The following LDLRAD3 variants were observed in gnomAD, a reference collection of about 807,000 sequenced individuals.
The protein encoded by LDLRAD3 is low-density lipoprotein receptor class A domain-containing protein 3.
In LDLRAD3, 20 loss-of-function variants were observed where a neutral mutation model predicts 29.4. The observed-to-expected ratio is 0.68, with a 90% CI of 0.48 to 0.99. The LOEUF (loss-of-function observed/expected upper bound fraction) is 0.99. Among genes scored for constraint, LDLRAD3 ranks in the 50% least tolerant of loss-of-function variants. The pLI, the probability that LDLRAD3 is intolerant of heterozygous loss-of-function variation, is 0.00. For missense variants in LDLRAD3, 420 were observed against 454.3 expected (o/e 0.92, Z 0.69); for synonymous variants, 157 against 192.7 (o/e 0.81, Z 1.53).
chr11:36,155,708 T>C (rs1480898367), intron 4 of LDLRAD3, among the ~76,000 whole-genome samples: 1 of 152,206 alleles, frequency 6.6e-6, no homozygotes, highest in African/African-American at 2.4e-5. Context: ...TATCCATCAC[T>C]TTAGGATACA....
intron 2 of LDLRAD3, among the ~76,000 whole-genome samples, chr11:36,073,543 GTCA>G: frequency 6.6e-6 from 1 of 152,274 alleles, no homozygotes; most frequent in Non-Finnish European, 1.5e-5. Flanking sequence ...CCTGTAGCAA[GTCA>G]TGCAGGCAGG....
intron 3 of LDLRAD3, among the ~76,000 whole-genome samples, chr11:36,087,060 C>A (rs1590256081): frequency 6.6e-6 from 1 of 152,156 alleles, no homozygotes; most frequent in Middle Eastern, 3.4e-3. Context: ...ATGTTAATGA[C>A]CCCACAGGGA....
rs1855553188 is a variant in LDLRAD3 at position 36,229,872 on chromosome 11, T to G, written c.*475T>G. 1 of 155,538 alleles carries G rather than the reference T, an allele frequency of 6.4e-6. No homozygotes were observed. The highest frequency in any genetic ancestry group is 2.4e-5 in the African/African-American group (1 of 41,504). 9.6% of individuals were successfully genotyped at this position (155,538 alleles called of 1,614,324 possible). On this transcript the variant is annotated 3_prime_UTR_variant, in exon 6 of 6. Coordinates refer to ENST00000315571, the MANE Select transcript of LDLRAD3 (RefSeq NM_174902.4). ...TGGATGGTCACCCCCCCAAAAAAATTCCATTTGAGCATCAAAACCTGCTTT... is the reference window on the plus strand; with the variant it reads ...TGGATGGTCACCCCCCCAAAAAAATGCCATTTGAGCATCAAAACCTGCTTT...
intron 3 of LDLRAD3, 131 bp from the exon 4 acceptor site, chr11:36,098,196 T>C (rs1853391450): frequency 8.9e-7 from 1 of 1,120,808 alleles, no homozygotes; most frequent in East Asian, 2.4e-5. Context: ...AGCATGGGCT[T>C]TGAGTCTGCC....
chr11:36,025,303 G>A (rs757891372), intron 1 of LDLRAD3, among the ~76,000 whole-genome samples: 1 of 151,652 alleles, frequency 6.6e-6, no homozygotes, highest in East Asian at 1.9e-4. Context: ...AAAGGGTAGC[G>A]AAAAGTTACC....
At chr11:36,072,851 C>A (rs918651136) in intron 2 of LDLRAD3, among the ~76,000 whole-genome samples, 4 of 152,204 alleles carry the variant, frequency 2.6e-5, no homozygotes, top group Admixed American at 1.3e-4. Context: ...CCTCCTGGCC[C>A]CCTCTAGTTC....
rs959703642 is a variant in LDLRAD3 at position 36,155,618 on chromosome 11, C to T, written c.454+57157C>T. On this transcript the variant is annotated intron_variant, in intron 4 of 5. Coordinates refer to ENST00000315571, the MANE Select transcript of LDLRAD3 (RefSeq NM_174902.4). ...CCTCTGTAAAATAAGGATAATAATA[C>T]GTACTTCACAGACTAGTGGTAAGGA... Among the ~76,000 whole-genome samples, 10 of 152,290 alleles carry T rather than the reference C, an allele frequency of 6.6e-5. 1 individual carries two copies. Among genetic ancestry groups the T allele is most frequent in the Non-Finnish European group, 1.3e-4 (9 of 68,030 alleles).
intron 4 of LDLRAD3, among the ~76,000 whole-genome samples, chr11:36,207,603 T>C (rs1326359656): frequency 2.0e-5 from 3 of 151,990 alleles, no homozygotes; most frequent in African/African-American, 7.3e-5. Flanking sequence ...TAAGCCATGA[T>C]TGTGCCACTG....
In LDLRAD3 at chr11:36,162,009, A is replaced by G. The variant is rs919282304; in HGVS notation, c.454+63548A>G. Among the ~76,000 whole-genome samples, 10 of 152,350 alleles carry G rather than the reference A, an allele frequency of 6.6e-5. No individual in the cohort carries two copies. In the South Asian group the frequency reaches 1.7e-3, roughly 25 times the overall value. ...ACCCCTAGAGAGATCTCTGCAAATC[A>G]GTAATGAAAGAACTGAAGTAAAACT... On this transcript the variant is annotated intron_variant, in intron 4 of 5. Transcript: ENST00000315571.
chr11:36,098,390 A>G lies in LDLRAD3; in HGVS notation c.383A>G (p.Lys128Arg), dbSNP rs756142163. ...YHCKNGLCID[K>R]SFICDGQNNC... ...TGCAAGAACGGCCTCTGTATTGACA[A>G]GAGCTTCATCTGCGATGGACAGAAT... Residue 128 changes from lysine (K) to arginine (R), a missense_variant, in exon 4 of 6, where the codon AAG becomes AGG. Lys to Arg is a conservative substitution (Grantham distance 26). Coordinates refer to ENST00000315571, the MANE Select transcript of LDLRAD3 (RefSeq NM_174902.4). 1 of 1,614,252 alleles carries G rather than the reference A, an allele frequency of 6.2e-7. No individual in the cohort carries two copies. Among genetic ancestry groups the G allele is most frequent in the Non-Finnish European group, 8.5e-7 (1 of 1,180,046 alleles).
At chr11:36,051,342 G>C (rs1222644418) in intron 2 of LDLRAD3, among the ~76,000 whole-genome samples, 2 of 152,154 alleles carry the variant, frequency 1.3e-5, no homozygotes, top group Non-Finnish European at 2.9e-5. Flanking sequence ...ATGGTTGAGA[G>C]CATTGGCGCC....
At chr11:36,069,870 GAATT>G (rs1852867581) in intron 2 of LDLRAD3, among the ~76,000 whole-genome samples, 1 of 152,086 alleles carries the variant, frequency 6.6e-6, no homozygotes, top group Non-Finnish European at 1.5e-5. Context: ...CAGAGTTTGT[GAATT>G]AATATTAGTG....
intron 4 of LDLRAD3, among the ~76,000 whole-genome samples, chr11:36,219,995 A>T (rs999262916): frequency 1.2e-4 from 19 of 152,246 alleles, no homozygotes; most frequent in Admixed American, 2.6e-4. Context: ...AAACCAATTT[A>T]AAAATGGGCA....
intron 2 of LDLRAD3, among the ~76,000 whole-genome samples, chr11:36,041,897 G>C (rs1243073826): frequency 6.6e-6 from 1 of 151,942 alleles, no homozygotes; most frequent in Non-Finnish European, 1.5e-5. Context: ...TGTGGAGGAG[G>C]GATAAATTTG....
chr11:36,075,500 A>T (rs1289938450), intron 2 of LDLRAD3, among the ~76,000 whole-genome samples: 1 of 152,106 alleles, frequency 6.6e-6, no homozygotes, highest in East Asian at 1.9e-4. Context: ...AAGTTTCTCC[A>T]CTGTCAAGTT....
intron 1 of LDLRAD3, among the ~76,000 whole-genome samples, chr11:35,979,919 G>A (rs1445755306): frequency 1.3e-5 from 2 of 152,176 alleles, no homozygotes; most frequent in Non-Finnish European, 2.9e-5. Flanking sequence ...GTTTATCAAT[G>A]CGGAGCATCA....
chr11:36,071,161 G>A (rs1852895455), intron 2 of LDLRAD3, among the ~76,000 whole-genome samples: 1 of 152,194 alleles, frequency 6.6e-6, no homozygotes, highest in African/African-American at 2.4e-5. Context: ...GAGCGCAGCA[G>A]CAGTTAAGGA....
At chr11:35,947,719 A>G (rs1851075733) in intron 1 of LDLRAD3, among the ~76,000 whole-genome samples, 1 of 152,204 alleles carries the variant, frequency 6.6e-6, no homozygotes, top group Non-Finnish European at 1.5e-5. Flanking sequence ...AGGGTACCAC[A>G]GTAAAGGCTG....
At chr11:36,007,301 G>T (rs1355817798) in intron 1 of LDLRAD3, among the ~76,000 whole-genome samples, 2 of 152,146 alleles carry the variant, frequency 1.3e-5, no homozygotes, top group Admixed American at 6.5e-5. Flanking sequence ...CCTGTAATTT[G>T]CAATGTTTGT....
Sources: gnomAD v4.1 joint callset for allele counts (sites outside exome capture counted in the v4.1 genomes callset) on GRCh38, gnomAD v4.1.1 for gene constraint, MANE v1.5 for transcripts, NCBI Gene and HGNC (gene_info 2026-07-23, HGNC 2026-07-21) for gene names.